The following SPOCK3 variants were observed in gnomAD, a reference collection of about 807,000 sequenced individuals.
The protein encoded by SPOCK3 is testican-3.
SPOCK3 carries 30 observed loss-of-function variants against 56.6 expected under a neutral mutation model. The observed-to-expected ratio is 0.53, with a 90% confidence interval of 0.40 to 0.72. SPOCK3 has a LOEUF of 0.72. SPOCK3 is among the 30% of genes least tolerant of loss of function. SPOCK3 has a pLI of 0.00. For synonymous variants in SPOCK3, 196 were observed against 183.3 expected, an observed-to-expected ratio of 1.07 and a Z score of -0.56; for missense variants, 527 against 530.0, an observed-to-expected ratio of 0.99 and a Z score of 0.06.
At chr4:166,789,259 G>A (rs1436580541) in intron 7 of SPOCK3, among the ~76,000 whole-genome samples, 3 of 151,864 alleles carry the variant, frequency 2.0e-5, no homozygotes, top group East Asian at 1.9e-4. Context: ...GAGAAACCCC[G>A]TCTCTACTAA....
chr4:166,977,888 T>C (rs532898902), intron 4 of SPOCK3, among the ~76,000 whole-genome samples: 3 of 152,294 alleles, frequency 2.0e-5, no homozygotes, highest in African/African-American at 7.2e-5. Context: ...TCCCTCTTGA[T>C]AAAACTGCAA....
At chr4:166,885,180 A>T (rs911587974) in intron 6 of SPOCK3, among the ~76,000 whole-genome samples, 1 of 150,962 alleles carries the variant, frequency 6.6e-6, no homozygotes, top group Non-Finnish European at 1.5e-5. Context: ...AAGCCTTGTG[A>T]ATTTCATCTC....
At chr4:167,042,968 T>C (rs1329420282) in intron 3 of SPOCK3, among the ~76,000 whole-genome samples, 2 of 152,100 alleles carry the variant, frequency 1.3e-5, no homozygotes, top group African/African-American at 4.8e-5. Flanking sequence ...TGGTGGAATT[T>C]TGGTGAGGCA....
chr4:167,123,258 T>G (rs1554040130), intron 2 of SPOCK3, among the ~76,000 whole-genome samples: 1 of 152,100 alleles, frequency 6.6e-6, no homozygotes, highest in Non-Finnish European at 1.5e-5. Flanking sequence ...GAATGATATA[T>G]AAGTTAATAA....
intron 5 of SPOCK3, among the ~76,000 whole-genome samples, chr4:166,906,958 A>G (rs2127077261): frequency 6.6e-6 from 1 of 152,210 alleles, no homozygotes. Context: ...GTTCTCATCT[A>G]TAAAGGAGGG....
chr4:166,842,261 C>A (rs1747508223), intron 6 of SPOCK3, among the ~76,000 whole-genome samples: 1 of 152,204 alleles, frequency 6.6e-6, no homozygotes, highest in Non-Finnish European at 1.5e-5. Context: ...CTGGCTCTGG[C>A]AGCCTGCTTT....
intron 6 of SPOCK3, among the ~76,000 whole-genome samples, chr4:166,846,786 C>T (rs1381657623): frequency 6.6e-6 from 1 of 151,896 alleles, no homozygotes; most frequent in East Asian, 1.9e-4. Context: ...TAAAAATTTT[C>T]AATAGCCTAA....
intron 6 of SPOCK3, among the ~76,000 whole-genome samples, chr4:166,863,039 C>A (rs958997453): frequency 1.3e-5 from 2 of 151,990 alleles, no homozygotes; most frequent in Non-Finnish European, 2.9e-5. Context: ...CAAAGTGAAG[C>A]CCATCAGACT....
chr4:167,024,005 A>C (rs757927073), intron 3 of SPOCK3, among the ~76,000 whole-genome samples: 6 of 151,940 alleles, frequency 3.9e-5, no homozygotes, highest in Non-Finnish European at 8.8e-5. Flanking sequence ...CTGCTACTCC[A>C]TGTCTGCATG....
At position 166,908,670 on chromosome 4, in the gene SPOCK3, G is replaced by T. The variant is rs544972669; in HGVS notation, c.474+3950C>A. 2.0e-5 allele frequency among the ~76,000 whole-genome samples: 3 copies of T among 151,970 alleles called. No homozygotes were observed. The South Asian group carries it at 6.2e-4, about 32-fold the overall frequency. ...AAAGAGTTTAAAATCATCCACTGTTGTCCTCAGGGAATTTATATTACACAT... is the reference window on the plus strand; with the variant it reads ...AAAGAGTTTAAAATCATCCACTGTTTTCCTCAGGGAATTTATATTACACAT... On this transcript the variant is annotated intron_variant, in intron 5 of 10. Coordinates refer to ENST00000357545, the MANE Select transcript of SPOCK3 (RefSeq NM_001040159.2).
chr4:166,840,644 C>A (rs1200043034), intron 6 of SPOCK3, among the ~76,000 whole-genome samples: 1 of 152,000 alleles, frequency 6.6e-6, no homozygotes, highest in African/African-American at 2.4e-5. Flanking sequence ...AGGTCCCTAG[C>A]TAGTTGTCCA....
At chr4:167,094,157 G>A (rs1758943269) in intron 2 of SPOCK3, among the ~76,000 whole-genome samples, 1 of 151,994 alleles carries the variant, frequency 6.6e-6, no homozygotes, top group African/African-American at 2.4e-5. Context: ...CATGTGAAAG[G>A]AGACCATTTA....
At chr4:166,744,543 A>G (rs6553787) in intron 8 of SPOCK3, among the ~76,000 whole-genome samples, 120,123 of 152,034 alleles carry the variant, frequency 0.79, 47,715 homozygotes, top group South Asian at 0.82. Flanking sequence ...CAGAGCAGAA[A>G]AGCTGAAAAT....
At chr4:166,781,837 C>T (rs973006137) in intron 7 of SPOCK3, among the ~76,000 whole-genome samples, 1 of 152,050 alleles carries the variant, frequency 6.6e-6, no homozygotes, top group African/African-American at 2.4e-5. Context: ...CTGAAACCCA[C>T]AAGCCAGAAA....
At chr4:166,864,552 G>T (rs182856666) in intron 6 of SPOCK3, among the ~76,000 whole-genome samples, 9 of 152,010 alleles carry the variant, frequency 5.9e-5, no homozygotes, top group African/African-American at 2.2e-4. Flanking sequence ...TAATAAAGAA[G>T]AAAAGAGAGA....
intron 4 of SPOCK3, among the ~76,000 whole-genome samples, chr4:166,919,024 C>T (rs1738198495): frequency 1.3e-5 from 2 of 152,164 alleles, no homozygotes; most frequent in South Asian, 4.1e-4. Flanking sequence ...GGGGCTCTCA[C>T]CAGAAGCAGA....
At chr4:167,084,844 A>C (rs943772763) in intron 2 of SPOCK3, among the ~76,000 whole-genome samples, 1 of 152,156 alleles carries the variant, frequency 6.6e-6, no homozygotes, top group African/African-American at 2.4e-5. Flanking sequence ...GTGATTTATA[A>C]ATATATTAAA....
chr4:166,744,989 G>A (rs1735387260), intron 8 of SPOCK3, among the ~76,000 whole-genome samples: 2 of 152,218 alleles, frequency 1.3e-5, no homozygotes, highest in Non-Finnish European at 2.9e-5. Context: ...GGGACTATGT[G>A]AAGAGACCAA....
intron 2 of SPOCK3, among the ~76,000 whole-genome samples, chr4:167,209,516 C>T (rs1186085757): frequency 1.3e-5 from 2 of 152,062 alleles, no homozygotes; most frequent in South Asian, 2.1e-4. Context: ...AGAAGAAAAT[C>T]TTTCATGTCT....
Sources: allele counts gnomAD v4.1 joint callset (sites outside exome capture counted in the v4.1 genomes callset), GRCh38; gene constraint gnomAD v4.1.1; transcripts MANE v1.5; gene names NCBI Gene and HGNC (gene_info 2026-07-23, HGNC 2026-07-21).